PARD3B: variants seen among roughly 807,000 people sequenced by gnomAD.
The protein encoded by PARD3B is par-3 family cell polarity regulator beta, also known as partitioning defective 3 homolog B.
In PARD3B, 103 loss-of-function variants were observed where a neutral mutation model predicts 130.2. That is an observed-to-expected ratio of 0.79 (90% CI 0.67 to 0.93). PARD3B has a LOEUF of 0.93. Among genes scored for constraint, PARD3B ranks in the 40% least tolerant of loss-of-function variants. The pLI is 0.00. For missense variants in PARD3B, 1,609 were observed against 1,499.2 expected (o/e 1.07, Z -1.21); for synonymous variants, 583 against 553.2 (o/e 1.05, Z -0.76).
chr2:204,952,451 A>C (rs1238692915), intron 2 of PARD3B, among the ~76,000 whole-genome samples: 7 of 152,204 alleles, frequency 4.6e-5, no homozygotes, highest in Non-Finnish European at 7.4e-5. Flanking sequence ...CCTATTTACA[A>C]GAGACCTTTG....
At chr2:204,802,064 T>A (rs1402800126) in intron 2 of PARD3B, among the ~76,000 whole-genome samples, 1 of 152,156 alleles carries the variant, frequency 6.6e-6, no homozygotes, top group Non-Finnish European at 1.5e-5. Flanking sequence ...CCAACTTGAT[T>A]GTAGTGGATA....
intron 3 of PARD3B, among the ~76,000 whole-genome samples, chr2:205,023,530 C>A (rs1448426729): frequency 1.4e-4 from 13 of 93,634 alleles, no homozygotes; most frequent in African/African-American, 5.1e-4. Context: ...AGCAGCAGTA[C>A]CCCCCCACCC....
intron 15 of PARD3B, among the ~76,000 whole-genome samples, chr2:205,208,282 G>A (rs1295736435): frequency 8.9e-6 from 1 of 112,302 alleles, no homozygotes; most frequent in Admixed American, 9.2e-5. Context: ...GGCAAAAACT[G>A]GAAGCATTCC....
At chr2:205,492,360 AT>A in intron 20 of PARD3B, among the ~76,000 whole-genome samples, 1 of 152,330 alleles carries the variant, frequency 6.6e-6, no homozygotes, top group South Asian at 2.1e-4. Flanking sequence ...ATAGGCAATT[AT>A]AGTAAACAAA....
chr2:204,643,832 A>C (rs1157222878), intron 1 of PARD3B, among the ~76,000 whole-genome samples: 4 of 152,184 alleles, frequency 2.6e-5, no homozygotes, highest in Non-Finnish European at 4.4e-5. Flanking sequence ...TCATATATGC[A>C]GTGCTTTGCA....
intron 21 of PARD3B, among the ~76,000 whole-genome samples, chr2:205,514,597 T>A (rs903615931): frequency 1.6e-4 from 20 of 122,532 alleles, no homozygotes; most frequent in African/African-American, 5.2e-4. Flanking sequence ...TAGATACATA[T>A]GGATAGAAAT....
At position 204,824,521 on chromosome 2, in the gene PARD3B, A is replaced by G. The variant is rs551675549; in HGVS notation, c.222+138239A>G. On this transcript the variant is annotated intron_variant, in intron 2 of 22. Transcript: ENST00000406610. ...ATTAAGCCCTCCTTGAACTATCTCTATTTGAGTACATCATATGCTTCCGGA... is the reference window on the plus strand; with the variant it reads ...ATTAAGCCCTCCTTGAACTATCTCTGTTTGAGTACATCATATGCTTCCGGA... Among the ~76,000 whole-genome samples the G allele has an allele frequency of 7.9e-5, 12 of 152,234 alleles. No homozygotes were observed. The South Asian group carries it at 1.7e-3, about 21-fold the overall frequency.
At chr2:204,933,801 A>G (rs760906416) in intron 2 of PARD3B, among the ~76,000 whole-genome samples, 41 of 149,628 alleles carry the variant, frequency 2.7e-4, no homozygotes, top group Non-Finnish European at 5.2e-4. Flanking sequence ...TGTCTCTCTA[A>G]TTTATTTCCT....
chr2:204,568,239 A>G (rs1302334969), intron 1 of PARD3B, among the ~76,000 whole-genome samples: 2 of 152,246 alleles, frequency 1.3e-5, no homozygotes, highest in Non-Finnish European at 2.9e-5. Flanking sequence ...AACTCTTTCC[A>G]TAGGTGGATA....
intron 10 of PARD3B, among the ~76,000 whole-genome samples, chr2:205,148,884 G>T (rs1465985023): frequency 2.0e-5 from 3 of 152,196 alleles, no homozygotes; most frequent in Non-Finnish European, 2.9e-5. Flanking sequence ...TGCTCGTGCT[G>T]AGCCAAGAGC....
chr2:205,499,210 G>A (rs1349383067), intron 20 of PARD3B, among the ~76,000 whole-genome samples: 2 of 151,794 alleles, frequency 1.3e-5, no homozygotes, highest in Admixed American at 1.3e-4. Context: ...GGGTTGGGCA[G>A]ATGAGTTACT....
intron 2 of PARD3B, among the ~76,000 whole-genome samples, chr2:204,743,246 G>T (rs1038222366): frequency 1.3e-5 from 2 of 152,086 alleles, no homozygotes; most frequent in Admixed American, 1.3e-4. Flanking sequence ...GCTCAGAAGG[G>T]TGATTTTTTT....
At chr2:205,189,899 T>A (rs1400480694) in intron 14 of PARD3B, among the ~76,000 whole-genome samples, 1 of 152,162 alleles carries the variant, frequency 6.6e-6, no homozygotes, top group Admixed American at 6.6e-5. Context: ...GTTTTCAAAG[T>A]GTACACTTGG....
chr2:204,940,852 A>G (rs1688842878), intron 2 of PARD3B, among the ~76,000 whole-genome samples: 1 of 152,138 alleles, frequency 6.6e-6, no homozygotes, highest in Non-Finnish European at 1.5e-5. Flanking sequence ...CAGGAGTACC[A>G]CTGTCAATAA....
intron 4 of PARD3B, among the ~76,000 whole-genome samples, chr2:205,063,755 A>T (rs534999213): frequency 6.6e-5 from 10 of 152,326 alleles, no homozygotes; most frequent in African/African-American, 2.4e-4. Context: ...TGGCAGAAAT[A>T]TTTAGGAAAT....
intron 21 of PARD3B, among the ~76,000 whole-genome samples, chr2:205,516,251 T>G (rs2050788497): frequency 6.6e-6 from 1 of 152,206 alleles, no homozygotes; most frequent in African/African-American, 2.4e-5. Context: ...TTTGTTATTT[T>G]TGCTTATGAT....
In PARD3B at chr2:204,590,496, C is replaced by T. The variant is rs1231514803; in HGVS notation, c.120+44377C>T. On this transcript the variant is annotated intron_variant, in intron 1 of 22. Coordinates refer to ENST00000406610, the MANE Select transcript of PARD3B (RefSeq NM_001302769.2). ...TTGATGTGGGTGTTAAAGCCCATGA[C>T]CAGTCATTAAGAACCCTTACTCCAC... Among the ~76,000 whole-genome samples, 6 of 152,272 alleles carry T rather than the reference C, an allele frequency of 3.9e-5. No homozygotes were observed. The South Asian group carries it at 1.2e-3, about 32-fold the overall frequency.
intron 2 of PARD3B, among the ~76,000 whole-genome samples, chr2:204,839,601 T>C (rs928288481): frequency 2.4e-4 from 37 of 152,164 alleles, no homozygotes; most frequent in African/African-American, 8.4e-4. Context: ...ATTTGTATAA[T>C]CTTTCTCTTC....
At chr2:204,611,316 A>T (rs907990397) in intron 1 of PARD3B, among the ~76,000 whole-genome samples, 7 of 152,166 alleles carry the variant, frequency 4.6e-5, no homozygotes, top group Non-Finnish European at 1.0e-4. Context: ...AAAATTTGCT[A>T]CATAGTTAAA....
Sources: gnomAD v4.1 joint callset for allele counts (sites outside exome capture counted in the v4.1 genomes callset) on GRCh38, gnomAD v4.1.1 for gene constraint, MANE v1.5 for transcripts, NCBI Gene and HGNC (gene_info 2026-07-23, HGNC 2026-07-21) for gene names.